The following MEF2C variants were observed in gnomAD, a reference collection of about 807,000 sequenced individuals.
The protein encoded by MEF2C is myocyte-specific enhancer factor 2C.
MEF2C carries 6 observed loss-of-function variants against 50.5 expected under a neutral mutation model. That is an observed-to-expected ratio of 0.12 (90% CI 0.07 to 0.23). The LOEUF is 0.23. Among genes scored for constraint, MEF2C ranks in the 10% least tolerant of loss-of-function variants. MEF2C has a pLI of 1.00. For missense variants in MEF2C, 276 were observed against 605.0 expected (o/e 0.46, Z 5.70); for synonymous variants, 183 against 228.0 (o/e 0.80, Z 1.78).
intron 3 of MEF2C, among the ~76,000 whole-genome samples, chr5:88,784,535 A>G (rs1002472856): frequency 1.3e-5 from 2 of 152,238 alleles, no homozygotes; most frequent in Non-Finnish European, 2.9e-5. Flanking sequence ...TCTGTATGAT[A>G]GCCTAGCATA....
At chr5:88,753,721 A>C (rs553153978) in intron 4 of MEF2C, among the ~76,000 whole-genome samples, 194 of 152,288 alleles carry the variant, frequency 1.3e-3, no homozygotes, top group Non-Finnish European at 2.3e-3. Flanking sequence ...GGGAAATAAA[A>C]ATGTTCAAGT....
chr5:88,825,089 C>A (rs1004331896), intron 1 of MEF2C, among the ~76,000 whole-genome samples: 70 of 151,942 alleles, frequency 4.6e-4, no homozygotes, highest in African/African-American at 1.6e-3. Flanking sequence ...TGACAACGGA[C>A]CTGATAAATT....
upstream of MEF2C, chr5:88,883,317 G>A: frequency 6.6e-6 from 1 of 152,640 alleles, no homozygotes; most frequent in Non-Finnish European, 1.5e-5. Flanking sequence ...AGGAGGAGGA[G>A]GAAGAAGGAG....
At chr5:88,750,191 T>A in intron 5 of MEF2C, 2 of 562,752 alleles carry the variant, frequency 3.6e-6, no homozygotes, top group Non-Finnish European at 4.5e-6. Flanking sequence ...TTTATATATA[T>A]ACATATATAT....
chr5:88,753,940 T>C (rs1321395625), intron 4 of MEF2C, among the ~76,000 whole-genome samples: 2 of 152,230 alleles, frequency 1.3e-5, no homozygotes, highest in Non-Finnish European at 2.9e-5. Flanking sequence ...TAAAATATTG[T>C]ATTTCTTCAT....
At position 88,875,370 on chromosome 5, in the gene MEF2C, G is replaced by A. The variant is rs1174115285; in HGVS notation, c.-143+7585C>T. Among the ~76,000 whole-genome samples the A allele has an allele frequency of 2.0e-5, 3 of 151,934 alleles. No homozygotes were observed. In the East Asian group the frequency reaches 5.8e-4, roughly 29 times the overall value. ...AATTTTTGCAGCACCACACATTGTG[G>A]TGGAACGTTGCTATTTCCCGAGATA... On this transcript the variant is annotated intron_variant, in intron 1 of 10. Transcript: ENST00000504921.
chr5:88,824,103 G>T (rs755202552), intron 1 of MEF2C, 173 bp from the exon 2 acceptor site: 2 of 870,012 alleles, frequency 2.3e-6, no homozygotes, highest in Non-Finnish European at 2.8e-6. Flanking sequence ...AGCAGATCAA[G>T]TAGTTTTATT....
intron 2 of MEF2C, among the ~76,000 whole-genome samples, chr5:88,816,809 TAAG>T (rs1348531835): frequency 6.6e-6 from 1 of 151,910 alleles, no homozygotes; most frequent in Non-Finnish European, 1.5e-5. Flanking sequence ...AGGCATCTGT[TAAG>T]AAATGATACT....
intron 1 of MEF2C, among the ~76,000 whole-genome samples, chr5:88,899,903 T>C (rs1389217258): frequency 6.6e-6 from 1 of 152,168 alleles, no homozygotes; most frequent in Non-Finnish European, 1.5e-5. Context: ...CATAAAAATG[T>C]TGATTATTTT....
At position 88,899,153 on chromosome 5, in the gene MEF2C, T is replaced by A. The variant is rs1165520352; in HGVS notation, c.-240+4763A>T. Among the ~76,000 whole-genome samples the A allele has an allele frequency of 3.3e-5, 5 of 152,172 alleles. No homozygotes were observed. In the South Asian group the frequency reaches 8.3e-4, roughly 25 times the overall value. ...CATAACATAATTTTGAGAATGAGAC[T>A]TTTTGTATTATGTTACTAGGGTCCC... On this transcript the variant is annotated intron_variant, in intron 1 of 11. Transcript: ENST00000340208.
At chr5:88,780,187 A>G (rs1218516710) in intron 3 of MEF2C, among the ~76,000 whole-genome samples, 2 of 152,118 alleles carry the variant, frequency 1.3e-5, no homozygotes, top group Non-Finnish European at 1.5e-5. Flanking sequence ...ACGAAAAACT[A>G]CAGTTTTCTT....
Position 88,735,176 on chromosome 5 carries a change from G to A in MEF2C, c.638-3275C>T, listed in dbSNP as rs191839449. ...GCTAAGAAGAGCCTGCATTTAAACC[G>A]GCTGGGAAACCGCAGCCTCCTCCTC... On this transcript the variant is annotated intron_variant, in intron 6 of 10. Coordinates refer to ENST00000504921, the MANE Select transcript of MEF2C (RefSeq NM_002397.5). 154 of 985,344 alleles carry A rather than the reference G, an allele frequency of 1.6e-4. No homozygotes were observed. The African/African-American group carries it at 2.5e-3, about 16-fold the overall frequency. 61.0% of individuals were successfully genotyped at this position (985,344 alleles called of 1,614,324 possible).
chr5:88,766,953 T>C, intron 3 of MEF2C: 1 of 303,270 alleles, frequency 3.3e-6, no homozygotes, highest in Non-Finnish European at 4.8e-6. Flanking sequence ...AGCTGAATAA[T>C]CTTTAGAAAG....
At chr5:88,761,353 C>T in intron 3 of MEF2C, 25 bp from the exon 4 acceptor site, 1 of 1,599,976 alleles carries the variant, frequency 6.3e-7, no homozygotes, top group Non-Finnish European at 8.5e-7. Flanking sequence ...TTGGAAAGTT[C>T]AAACCTAGAC....
intron 1 of MEF2C, among the ~76,000 whole-genome samples, chr5:88,834,089 A>G (rs1049657316): frequency 8.5e-5 from 13 of 152,136 alleles, no homozygotes; most frequent in Admixed American, 8.5e-4. Flanking sequence ...TCACTGTAAA[A>G]CATGCTGGGG....
intron 2 of MEF2C, among the ~76,000 whole-genome samples, chr5:88,817,155 TACTC>T (rs1463113008): frequency 6.6e-6 from 1 of 152,044 alleles, no homozygotes; most frequent in Non-Finnish European, 1.5e-5. Context: ...ATTATCCAGT[TACTC>T]ACATTTAAAG....
intron 3 of MEF2C, among the ~76,000 whole-genome samples, chr5:88,781,547 C>G (rs1275052154): frequency 1.3e-5 from 2 of 152,334 alleles, no homozygotes; most frequent in East Asian, 3.9e-4. Flanking sequence ...TGTCCCTCCT[C>G]CAGCACCACA....
intron 3 of MEF2C, among the ~76,000 whole-genome samples, chr5:88,786,358 C>T (rs552197162): frequency 6.6e-6 from 1 of 152,014 alleles, no homozygotes; most frequent in Non-Finnish European, 1.5e-5. Flanking sequence ...GATTAAACTG[C>T]GAGAAAAGTT....
At chr5:88,796,109 T>G (rs756775418) in intron 3 of MEF2C, among the ~76,000 whole-genome samples, 3 of 152,196 alleles carry the variant, frequency 2.0e-5, no homozygotes, top group Non-Finnish European at 2.9e-5. Flanking sequence ...TCTTTTTTTG[T>G]TGTGTCTCTG....
Sources: gnomAD v4.1 joint callset for allele counts (sites outside exome capture counted in the v4.1 genomes callset) on GRCh38, gnomAD v4.1.1 for gene constraint, MANE v1.5 for transcripts, NCBI Gene and HGNC (gene_info 2026-07-23, HGNC 2026-07-21) for gene names.